Variants in NLGN1 observed in about 807,000 individuals in gnomAD.
The protein encoded by NLGN1 is neuroligin 1, also known as neuroligin-1.
Under a neutral mutation model 65.5 loss-of-function variants are expected in NLGN1, and 12 were observed. The observed-to-expected ratio is 0.18, with a 90% CI of 0.12 to 0.30. NLGN1 has a LOEUF of 0.30. NLGN1 is among the 10% of genes least tolerant of loss of function. The pLI is 1.00. For synonymous variants in NLGN1, 350 were observed against 359.5 expected (o/e 0.97, Z 0.30); for missense variants, 750 against 1,007.1 (o/e 0.74, Z 3.46).
At chr3:173,515,309 A>G (rs1311248986) in intron 2 of NLGN1, among the ~76,000 whole-genome samples, 2 of 152,100 alleles carry the variant, frequency 1.3e-5, no homozygotes, top group African/African-American at 4.8e-5. Context: ...AAAAATGTCT[A>G]TTCAAGGTTT....
intron 4 of NLGN1, among the ~76,000 whole-genome samples, chr3:173,934,197 T>TA (rs1299762403): frequency 2.7e-5 from 4 of 149,822 alleles, no homozygotes; most frequent in Admixed American, 6.7e-5. Context: ...CTGTGGCAGG[T>TA]AAAAAAACAC....
intron 3 of NLGN1, among the ~76,000 whole-genome samples, chr3:173,661,813 A>G (rs1502483): frequency 0.95 from 144,664 of 152,066 alleles, 68,858 homozygotes; most frequent in East Asian, 0.99. Context: ...TGATTAAAAG[A>G]TAAGTTTACC....
intron 4 of NLGN1, among the ~76,000 whole-genome samples, chr3:174,048,066 T>G (rs1173172545): frequency 6.6e-6 from 1 of 152,098 alleles, no homozygotes; most frequent in East Asian, 1.9e-4. Context: ...CAGGAGGGAC[T>G]TATCTGTCCT....
At chr3:173,791,793 T>C (rs1712823633) in intron 3 of NLGN1, among the ~76,000 whole-genome samples, 2 of 152,122 alleles carry the variant, frequency 1.3e-5, no homozygotes, top group South Asian at 4.1e-4. Flanking sequence ...AACTGAGATC[T>C]AGACCTAGTT....
intron 3 of NLGN1, among the ~76,000 whole-genome samples, chr3:173,625,167 T>C (rs1754631634): frequency 6.6e-6 from 1 of 152,140 alleles, no homozygotes; most frequent in Non-Finnish European, 1.5e-5. Flanking sequence ...AGTCCCACTC[T>C]TTTTTAATTT....
intron 3 of NLGN1, among the ~76,000 whole-genome samples, chr3:173,713,096 T>G (rs547311821): frequency 2.0e-5 from 3 of 152,296 alleles, no homozygotes; most frequent in South Asian, 2.1e-4. Flanking sequence ...AGGTTGCATT[T>G]TTATAATTCT....
At chr3:174,085,265 C>T (rs1378871218) in intron 4 of NLGN1, among the ~76,000 whole-genome samples, 4 of 151,900 alleles carry the variant, frequency 2.6e-5, no homozygotes, top group African/African-American at 7.2e-5. Flanking sequence ...CTTCTTAGAA[C>T]AGAGAAGTTT....
At chr3:173,755,981 A>G (rs1465381977) in intron 3 of NLGN1, among the ~76,000 whole-genome samples, 2 of 152,130 alleles carry the variant, frequency 1.3e-5, no homozygotes, top group East Asian at 1.9e-4. Context: ...TATATTACAA[A>G]TGAAGGCATT....
chr3:173,494,875 G>C (rs963995310), intron 2 of NLGN1, among the ~76,000 whole-genome samples: 1 of 151,602 alleles, frequency 6.6e-6, no homozygotes, highest in Non-Finnish European at 1.5e-5. Context: ...TTCTTTCACT[G>C]ATCTATTTGG....
At chr3:173,797,607 A>T (rs1360309418) in intron 3 of NLGN1, among the ~76,000 whole-genome samples, 1 of 151,930 alleles carries the variant, frequency 6.6e-6, no homozygotes, top group African/African-American at 2.4e-5. Context: ...TTATTATCTC[A>T]CATCAGGTAA....
At chr3:173,418,786 T>C (rs1714327142) in intron 1 of NLGN1, among the ~76,000 whole-genome samples, 1 of 152,102 alleles carries the variant, frequency 6.6e-6, no homozygotes, top group Admixed American at 6.6e-5. Flanking sequence ...ATATGTTCTT[T>C]AGATAGCTTT....
At chr3:173,423,855 T>G (rs1715593327) in intron 1 of NLGN1, among the ~76,000 whole-genome samples, 1 of 152,308 alleles carries the variant, frequency 6.6e-6, no homozygotes, top group East Asian at 1.9e-4. Flanking sequence ...AGTGCCCCAG[T>G]GGAGACTGTG....
intron 4 of NLGN1, among the ~76,000 whole-genome samples, chr3:174,068,787 G>A (rs1028530336): frequency 7.9e-5 from 12 of 152,082 alleles, no homozygotes; most frequent in African/African-American, 2.9e-4. Context: ...AACTTTTAAT[G>A]AGATTTATCT....
chr3:173,740,502 A>G (rs773548797), intron 3 of NLGN1, among the ~76,000 whole-genome samples: 2 of 152,086 alleles, frequency 1.3e-5, no homozygotes, highest in Non-Finnish European at 2.9e-5. Flanking sequence ...TATAAAACCC[A>G]TATCTTGGCC....
intron 4 of NLGN1, among the ~76,000 whole-genome samples, chr3:173,828,594 A>G (rs1721834052): frequency 6.6e-6 from 1 of 152,180 alleles, no homozygotes; most frequent in African/African-American, 2.4e-5. Context: ...AGTAAATAAA[A>G]TACAAAGTAT....
intron 2 of NLGN1, among the ~76,000 whole-genome samples, chr3:173,539,640 A>AGCATATTTGTATATATG (rs1553879342): frequency 3.6e-5 from 4 of 111,810 alleles, no homozygotes; most frequent in Non-Finnish European, 6.7e-5. Flanking sequence ...ATACACATAT[A>AGCATATTTGTATATATG]TACATATATA....
intron 4 of NLGN1, among the ~76,000 whole-genome samples, chr3:174,269,011 A>G (rs559605845): frequency 6.6e-6 from 1 of 151,738 alleles, no homozygotes; most frequent in South Asian, 2.1e-4. Context: ...TTTTTACTTT[A>G]TCCTTCATTG....
chr3:174,069,001 G>C lies in NLGN1; in HGVS notation c.647-206314G>C, dbSNP rs145849855. Among the ~76,000 whole-genome samples, 249 of 152,234 alleles carry C rather than the reference G, an allele frequency of 1.6e-3. 2 individuals carry two copies. Among genetic ancestry groups the C allele is most frequent in the African/African-American group, 5.8e-3 (243 of 41,550 alleles). Reference sequence around the variant, plus strand: ...AAAAGAGTTATTGTTAAACATAGTAGTATTTAATTCTGTGCCAATCTGTGT... The same window carrying C: ...AAAAGAGTTATTGTTAAACATAGTACTATTTAATTCTGTGCCAATCTGTGT... On this transcript the variant is annotated intron_variant, in intron 4 of 6. Transcript: ENST00000457714.
intron 4 of NLGN1, among the ~76,000 whole-genome samples, chr3:173,952,298 G>A (rs183237355): frequency 5.6e-4 from 86 of 152,284 alleles, no homozygotes; most frequent in Admixed American, 1.1e-3. Context: ...GAGTCACTGA[G>A]ATGAAGAATG....
Sources: gnomAD v4.1 joint callset for allele counts (sites outside exome capture counted in the v4.1 genomes callset) on GRCh38, gnomAD v4.1.1 for gene constraint, MANE v1.5 for transcripts, NCBI Gene and HGNC (gene_info 2026-07-23, HGNC 2026-07-21) for gene names.